ZMYM5: variants seen among roughly 807,000 people sequenced by gnomAD.
The protein encoded by ZMYM5 is zinc finger MYM-type protein 5.
In ZMYM5, 41 loss-of-function variants were observed where a neutral mutation model predicts 61.8. The ratio of observed to expected loss-of-function variants is 0.66; its 90% CI spans 0.52 to 0.86. The LOEUF (loss-of-function observed/expected upper bound fraction) is 0.86, where lower values mean the gene tolerates loss of function less well. Among genes scored for constraint, ZMYM5 ranks in the 40% least tolerant of loss-of-function variants. ZMYM5 has a pLI of 0.00. For synonymous variants in ZMYM5, 257 were observed against 276.4 expected, an observed-to-expected ratio of 0.93 and a Z score of 0.70; for missense variants, 706 against 786.7, an observed-to-expected ratio of 0.90 and a Z score of 1.23.
rs1326202323 is a variant in ZMYM5 at position 19,835,489 on chromosome 13, G to A, written c.1239C>T (p.Asn413=). The change falls in exon 7 of 8, where the codon AAC becomes AAT. Residue 413 remains asparagine, a synonymous_variant. Transcript: ENST00000337963. ...QKRFCCQSCI[N]EYKQMMETKS... ...GAAAAAGAATTACCTGTTTATATTC[G>A]TTAATACAACTTTGGCAGCAAAATC... The A allele has an allele frequency of 1.2e-5, 16 of 1,367,104 alleles. No homozygotes were observed. The highest frequency in any genetic ancestry group is 4.5e-5 in the East Asian group (1 of 22,000). 84.7% of individuals were successfully genotyped at this position (1,367,104 alleles called of 1,614,324 possible). A position where few individuals can be genotyped will look rare whatever the true frequency, so the allele number is the denominator to read the frequency against.
chr13:19,860,935 CGTGTGTGT>C (rs10690639), intron 2 of ZMYM5, among the ~76,000 whole-genome samples: 96 of 136,858 alleles, frequency 7.0e-4, no homozygotes, highest in Non-Finnish European at 9.5e-4. Flanking sequence ...TATATGCGCA[CGTGTGTGT>C]GTGTGTGTGT....
At chr13:19,843,200 C>A (rs1303084479) in intron 4 of ZMYM5, among the ~76,000 whole-genome samples, 1 of 150,320 alleles carries the variant, frequency 6.7e-6, no homozygotes, top group African/African-American at 2.4e-5. Context: ...TCACTGCAAC[C>A]TCCACCTCCC....
Position 19,852,056 on chromosome 13 carries a change from A to G in ZMYM5, c.125T>C (p.Leu42Ser). ...TGGTGAGTTCCTAGATCTACTGACT[A>G]AAGGACAAGCTGGATGACCAAATGA... The part of the protein sequence containing the change: ...GDSFGHPACP[L>S]VSRSRNSPVE... The change falls in exon 3 of 8, where the codon TTA becomes TCA. Residue 42 changes from leucine to serine, a missense_variant. Transcript: ENST00000337963. 6 of 1,614,004 alleles carry G rather than the reference A, an allele frequency of 3.7e-6. No individual in the cohort carries two copies. The highest frequency in any genetic ancestry group is 5.1e-6 in the Non-Finnish European group (6 of 1,180,016).
At chr13:19,859,856 G>C (rs1953663954) in intron 2 of ZMYM5, among the ~76,000 whole-genome samples, 1 of 151,178 alleles carries the variant, frequency 6.6e-6, no homozygotes. Context: ...TATCATCCCA[G>C]CACTTTGGGA....
chr13:19,845,176 C>A (rs1228853775), intron 4 of ZMYM5, among the ~76,000 whole-genome samples: 1 of 151,994 alleles, frequency 6.6e-6, no homozygotes, highest in Non-Finnish European at 1.5e-5. Flanking sequence ...TTAATATGAT[C>A]TAATAATATA....
chr13:19,827,817 G>A (rs975459879), intron 7 of ZMYM5, among the ~76,000 whole-genome samples: 7 of 151,194 alleles, frequency 4.6e-5, no homozygotes, highest in Non-Finnish European at 1.0e-4. Flanking sequence ...GGATCACGAG[G>A]TCAGGAGATC....
At chr13:19,837,314 C>A in intron 6 of ZMYM5, 1 of 802,048 alleles carries the variant, frequency 1.2e-6, no homozygotes, top group Non-Finnish European at 1.7e-6. Flanking sequence ...CCACCACGTC[C>A]GGCCCCAAGG....
At chr13:19,829,286 T>TA (rs750877625) in intron 7 of ZMYM5, among the ~76,000 whole-genome samples, 2 of 151,862 alleles carry the variant, frequency 1.3e-5, no homozygotes, top group African/African-American at 4.8e-5. Flanking sequence ...TATATACCAT[T>TA]AAAAAAAATA....
At position 19,852,191 on chromosome 13, in the gene ZMYM5, C is replaced by G; in HGVS notation, c.-10-1G>C. 1 of 1,543,720 alleles carries G rather than the reference C, an allele frequency of 6.5e-7. No individual in the cohort carries two copies. The highest frequency in any genetic ancestry group is 8.7e-7 in the Non-Finnish European group (1 of 1,153,090). ...TGAACATTTTTCCATGCCAATGAAC[C>G]TGTAGAGACAGAAAAGAAAAAAAAA... On this transcript the variant is annotated splice_acceptor_variant, in intron 2 of 7. Transcript: ENST00000337963. LOFTEE classifies it low-confidence loss of function (5UTR_SPLICE).
At chr13:19,844,873 T>A (rs1375686275) in intron 4 of ZMYM5, among the ~76,000 whole-genome samples, 2 of 152,170 alleles carry the variant, frequency 1.3e-5, no homozygotes, top group Admixed American at 1.3e-4. Context: ...TCCACCCGCT[T>A]CGGCCTCCCA....
chr13:19,861,941 T>C (rs1385090906), intron 2 of ZMYM5, among the ~76,000 whole-genome samples: 1 of 151,912 alleles, frequency 6.6e-6, no homozygotes, highest in Non-Finnish European at 1.5e-5. Flanking sequence ...ATCTTAGAAT[T>C]AGGAATAGTT....
chr13:19,828,271 C>T (rs1891018502), intron 7 of ZMYM5, among the ~76,000 whole-genome samples: 1 of 152,038 alleles, frequency 6.6e-6, no homozygotes, highest in East Asian at 1.9e-4. Context: ...GTCAGGAGTT[C>T]AAGACCAGCC....
At chr13:19,844,729 C>T (rs1335606060) in intron 4 of ZMYM5, among the ~76,000 whole-genome samples, 1 of 152,168 alleles carries the variant, frequency 6.6e-6, no homozygotes, top group Non-Finnish European at 1.5e-5. Flanking sequence ...TCAAGCAACC[C>T]TCCTGCTTCA....
chr13:19,845,335 T>C (rs10220121), intron 4 of ZMYM5, among the ~76,000 whole-genome samples: 14,964 of 152,244 alleles, frequency 0.098, 867 homozygotes, highest in African/African-American at 0.16. Context: ...GCTTTTTGTA[T>C]TATGTGGCAT....
At chr13:19,838,601 TTCTACCCATAAA>T in intron 5 of ZMYM5, 87 bp downstream of exon 5, 1 of 1,435,292 alleles carries the variant, frequency 7.0e-7, no homozygotes, top group Non-Finnish European at 9.5e-7. Context: ...CCTGCAACAA[TTCTACCCATAAA>T]TCTATCCAGC....
At chr13:19,837,468 A>T in intron 6 of ZMYM5, 188 bp downstream of exon 6, 1 of 1,574,378 alleles carries the variant, frequency 6.4e-7, no homozygotes, top group Non-Finnish European at 8.5e-7. Flanking sequence ...TTTCCATGCT[A>T]TGCAAATGGA....
At position 19,855,167 on chromosome 13, in the gene ZMYM5, C is replaced by A. The variant is rs568012169; in HGVS notation, c.-10-2977G>T. Among the ~76,000 whole-genome samples the A allele has an allele frequency of 4.9e-4, 74 of 151,986 alleles. 1 individual carries two copies. The highest frequency in any genetic ancestry group is 1.6e-3 in the African/African-American group (65 of 41,444). On this transcript the variant is annotated intron_variant, in intron 2 of 7. Transcript: ENST00000337963. ...CCCAGGAGTTTGAGACCAGCCTGGG[C>A]AACATGGTGAGATTCCATCTCTACT...
chr13:19,861,609 G>A (rs749092974), intron 2 of ZMYM5, among the ~76,000 whole-genome samples: 31 of 152,192 alleles, frequency 2.0e-4, no homozygotes, highest in Non-Finnish European at 4.0e-4. Context: ...CTAATCACAA[G>A]TTTGTTTTTG....
chr13:19,863,525 G>A lies in ZMYM5; in HGVS notation c.-154C>T, dbSNP rs1363691191. On this transcript the variant is annotated 5_prime_UTR_variant, in exon 1 of 8. Coordinates refer to ENST00000337963, the MANE Select transcript of ZMYM5 (RefSeq NM_001142684.2). ...ACTCTCAGCGGCCCTGGACTGGAAA[G>A]ACAGCGGGGATAAGCGTCACCCGGT... The A allele has an allele frequency of 2.0e-5, 3 of 152,816 alleles. No homozygotes were observed. Among genetic ancestry groups the A allele is most frequent in the African/African-American group, 7.2e-5 (3 of 41,460 alleles). The allele number at this position is 152,816 out of a possible 1,614,324, so 9.5% of individuals were successfully genotyped here. A position where few individuals can be genotyped will look rare whatever the true frequency, so the allele number is the denominator to read the frequency against.
Sources: gnomAD v4.1 joint callset for allele counts (sites outside exome capture counted in the v4.1 genomes callset) on GRCh38, gnomAD v4.1.1 for gene constraint, MANE v1.5 for transcripts, NCBI Gene and HGNC (gene_info 2026-07-23, HGNC 2026-07-21) for gene names.